EXOC4: variants seen among roughly 807,000 people sequenced by gnomAD.
EXOC4 encodes the protein exocyst complex component 4.
EXOC4 carries 71 observed loss-of-function variants against 107.2 expected under a neutral mutation model. The ratio of observed to expected loss-of-function variants is 0.66; its 90% CI spans 0.55 to 0.81. The LOEUF (loss-of-function observed/expected upper bound fraction) is 0.81. Among genes scored for constraint, EXOC4 ranks in the 30% least tolerant of loss-of-function variants. The pLI is 0.00. For missense variants in EXOC4, 1,108 were observed against 1,189.6 expected (o/e 0.93, Z 1.01); for synonymous variants, 456 against 441.2 (o/e 1.03, Z -0.42).
intron 1 of EXOC4, among the ~76,000 whole-genome samples, chr7:133,262,532 T>C (rs1348491861): frequency 3.3e-5 from 5 of 152,216 alleles, no homozygotes; most frequent in South Asian, 4.1e-4. Context: ...ATTTATTCTT[T>C]TAAAAGTACA....
At chr7:133,906,217 C>T (rs1421230413) in intron 12 of EXOC4, among the ~76,000 whole-genome samples, 1 of 152,142 alleles carries the variant, frequency 6.6e-6, no homozygotes, top group Admixed American at 6.5e-5. Flanking sequence ...TTCAGGTTTC[C>T]TGTGTAGCCA....
chr7:134,099,005 A>G, the EXOC4 span, among the ~76,000 whole-genome samples: 1 of 152,098 alleles, frequency 6.6e-6, no homozygotes, highest in African/African-American at 2.4e-5. Context: ...CCAGAAGGAG[A>G]TGGCATTTGG....
At chr7:134,014,056 C>T (rs1395289435) in intron 17 of EXOC4, among the ~76,000 whole-genome samples, 3 of 152,104 alleles carry the variant, frequency 2.0e-5, no homozygotes, top group East Asian at 1.9e-4. Flanking sequence ...AACATACATG[C>T]GTACAAAAAT....
intron 12 of EXOC4, among the ~76,000 whole-genome samples, chr7:133,901,521 G>A (rs1268351350): frequency 1.3e-5 from 2 of 152,124 alleles, no homozygotes; most frequent in Admixed American, 1.3e-4. Context: ...ATATGACACT[G>A]AAAAGCTCCT....
At chr7:133,812,110 G>A (rs1270241669) in intron 10 of EXOC4, among the ~76,000 whole-genome samples, 3 of 151,712 alleles carry the variant, frequency 2.0e-5, no homozygotes, top group South Asian at 2.1e-4. Flanking sequence ...GTCAACTAGG[G>A]ATGATTAGAT....
At chr7:134,036,359 G>A (rs770372554) in intron 17 of EXOC4, among the ~76,000 whole-genome samples, 1 of 152,156 alleles carries the variant, frequency 6.6e-6, no homozygotes, top group South Asian at 2.1e-4. Flanking sequence ...AGGCCAAGAT[G>A]GATGGATCAT....
At chr7:133,286,291 T>C (rs529950485) in intron 2 of EXOC4, among the ~76,000 whole-genome samples, 4 of 152,336 alleles carry the variant, frequency 2.6e-5, no homozygotes, top group Admixed American at 2.6e-4. Flanking sequence ...TAATTTCTAA[T>C]AGTTGTTTTT....
At chr7:133,765,985 C>T (rs1208344493) in intron 10 of EXOC4, among the ~76,000 whole-genome samples, 3 of 151,880 alleles carry the variant, frequency 2.0e-5, no homozygotes, top group Non-Finnish European at 4.4e-5. Flanking sequence ...CTCCATAAAA[C>T]GAAAGTGAGG....
Position 133,627,300 on chromosome 7 carries a change from A to G in EXOC4, c.1418-2745A>G, listed in dbSNP as rs572795557. 3.9e-5 allele frequency among the ~76,000 whole-genome samples: 6 copies of G among 152,332 alleles called. No homozygotes were observed. In the East Asian group the frequency reaches 5.8e-4, roughly 15 times the overall value. On this transcript the variant is annotated intron_variant, in intron 9 of 17. Coordinates refer to ENST00000253861, the MANE Select transcript of EXOC4 (RefSeq NM_021807.4). The stretch of plus-strand genomic sequence containing the variant: ...GTGTGGCTGAGGCATAGAGGTGCGC[A>G]TGCATAGAGCGCAACTATACATGAA...
At chr7:134,074,974 A>G in the EXOC4 span, among the ~76,000 whole-genome samples, 4 of 152,224 alleles carry the variant, frequency 2.6e-5, no homozygotes, top group Non-Finnish European at 4.4e-5. Context: ...GCTGAGATGA[A>G]GGTATGCAGT....
intron 7 of EXOC4, among the ~76,000 whole-genome samples, chr7:133,423,649 C>T (rs536192024): frequency 5.9e-5 from 9 of 152,344 alleles, no homozygotes; most frequent in Non-Finnish European, 8.8e-5. Context: ...AGCCCTCGGT[C>T]GCTCTCTGTG....
chr7:133,349,256 C>G (rs118138569), intron 5 of EXOC4, among the ~76,000 whole-genome samples: 1 of 152,018 alleles, frequency 6.6e-6, no homozygotes, highest in Admixed American at 6.6e-5. Flanking sequence ...CCATCTATTT[C>G]CATTACTCTT....
intron 17 of EXOC4, among the ~76,000 whole-genome samples, chr7:134,034,754 C>CTTG: frequency 5.3e-5 from 8 of 152,156 alleles, no homozygotes; most frequent in African/African-American, 1.9e-4. Context: ...TGAAAACGGA[C>CTTG]TAATACAGGT....
intron 5 of EXOC4, among the ~76,000 whole-genome samples, chr7:133,335,556 A>G (rs753773069): frequency 6.6e-6 from 1 of 152,216 alleles, no homozygotes; most frequent in East Asian, 1.9e-4. Context: ...AAGGCTGAAT[A>G]ATACTCCATT....
chr7:133,756,420 A>G (rs979596452), intron 10 of EXOC4, among the ~76,000 whole-genome samples: 1 of 152,178 alleles, frequency 6.6e-6, no homozygotes, highest in South Asian at 2.1e-4. Context: ...AAAAGTGTTG[A>G]GCTTGATCAT....
chr7:133,390,951 C>T (rs536673191), intron 7 of EXOC4, among the ~76,000 whole-genome samples: 8 of 152,278 alleles, frequency 5.3e-5, no homozygotes, highest in African/African-American at 1.7e-4. Context: ...AGGTGATGTA[C>T]CCTTCTTCAC....
At chr7:133,425,919 C>T (rs537843148) in intron 7 of EXOC4, among the ~76,000 whole-genome samples, 1 of 152,334 alleles carries the variant, frequency 6.6e-6, no homozygotes, top group Non-Finnish European at 1.5e-5. Flanking sequence ...TCCCACCTTT[C>T]TGGACCAAAC....
chr7:133,436,537 T>C (rs916938291), intron 7 of EXOC4, among the ~76,000 whole-genome samples: 10 of 151,936 alleles, frequency 6.6e-5, no homozygotes, highest in Non-Finnish European at 1.0e-4. Context: ...CCATATCTTA[T>C]GGGATACTCT....
Position 133,253,141 on chromosome 7 carries a change from G to C in EXOC4, c.40G>C (p.Val14Leu). ...EAAGGKYRST[V>L]SKSKDPSGLL... Reference sequence around the variant, plus strand: ...AGCTGGTGGGAAATACAGAAGCACAGTCAGCAAAAGCAAAGACCCCTCGGG... The same window carrying C: ...AGCTGGTGGGAAATACAGAAGCACACTCAGCAAAAGCAAAGACCCCTCGGG... The change falls in exon 1 of 18, where the codon GTC (valine) becomes CTC (leucine). Residue 14 changes from valine to leucine, a missense_variant. Transcript: ENST00000253861. 1 of 1,614,210 alleles carries C rather than the reference G, an allele frequency of 6.2e-7. No individual in the cohort carries two copies. The highest frequency in any genetic ancestry group is 8.5e-7 in the Non-Finnish European group (1 of 1,180,020).
Sources: gnomAD v4.1 joint callset for allele counts (sites outside exome capture counted in the v4.1 genomes callset) on GRCh38, gnomAD v4.1.1 for gene constraint, MANE v1.5 for transcripts, NCBI Gene and HGNC (gene_info 2026-07-23, HGNC 2026-07-21) for gene names.